The following CIITA variants were observed in gnomAD, a reference collection of about 807,000 sequenced individuals.
CIITA encodes the protein class II major histocompatibility complex transactivator, also known as MHC class II transactivator.
CIITA carries 72 observed loss-of-function variants against 115.1 expected under a neutral mutation model. That is an observed-to-expected ratio of 0.63 (90% CI 0.52 to 0.76). The LOEUF (loss-of-function observed/expected upper bound fraction) is 0.76, where lower values mean the gene tolerates loss of function less well. CIITA is among the 30% of genes least tolerant of loss of function. The pLI, the probability that CIITA is intolerant of heterozygous loss-of-function variation, is 0.00. For synonymous variants in CIITA, 763 were observed against 635.6 expected (o/e 1.20, Z -3.02); for missense variants, 1,617 against 1,463.8 (o/e 1.10, Z -1.71).
intron 1 of CIITA, among the ~76,000 whole-genome samples, chr16:10,886,786 G>C (rs753037729): frequency 6.6e-6 from 1 of 152,214 alleles, no homozygotes; most frequent in Non-Finnish European, 1.5e-5. Context: ...TCGATTCTGT[G>C]ACTCAGAGAG....
Position 10,907,451 on chromosome 16 carries a change from C to G in CIITA, c.1959C>G (p.Pro653=). The part of the protein sequence containing the change: ...GLLGRAALDS[P]PGALAELAKL... ...TGGGCCGTGCAGCCCTCGACAGCCC[C>G]CCCGGGGCCCTGGCAGAGCTGGCCA... The change falls in exon 11 of 20, where the codon CCC becomes CCG. Residue 653 remains proline, a synonymous_variant. Coordinates refer to ENST00000324288, the MANE Select transcript of CIITA (RefSeq NM_000246.4). The surrounding 1 kb of genome is among the most constrained non-coding windows in gnomAD (Gnocchi z 5.0). 6.2e-7 allele frequency: 1 copy of G among 1,613,316 alleles called. No individual in the cohort carries two copies.
rs915058289 is a variant in CIITA, at chr16:10,914,970, G to A, written c.2889-600G>A. 8 of 437,362 alleles carry A rather than the reference G, an allele frequency of 1.8e-5. No individual in the cohort carries two copies. The East Asian group carries it at 5.6e-4, about 31-fold the overall frequency. The allele number at this position is 437,362 out of a possible 1,614,324, so 27.1% of individuals were successfully genotyped here. On this transcript the variant is annotated intron_variant, in intron 13 of 19. Transcript: ENST00000324288. ...AGGGTATCTGTGGATGTTGGGAAGA[G>A]TAAGAACTGGCTCCCTACTTAGAGA...
rs1226634325 is a variant in CIITA at position 10,887,247 on chromosome 16, G to C, written c.53-8035G>C. On this transcript the variant is annotated intron_variant, in intron 1 of 19. Coordinates refer to ENST00000324288, the MANE Select transcript of CIITA (RefSeq NM_000246.4). The stretch of plus-strand genomic sequence containing the variant: ...GGTTGGGGAGCAGGTTGGTGTTGGG[G>C]GGGGCCTTGGGGGAAAGGAAAAGGA... Among the ~76,000 whole-genome samples the C allele has an allele frequency of 4.6e-5, 7 of 152,100 alleles. 1 individual carries two copies. The highest frequency in any genetic ancestry group is 2.6e-4 in the Admixed American group (4 of 15,268).
At chr16:10,887,359 G>T (rs894377487) in intron 1 of CIITA, among the ~76,000 whole-genome samples, 2 of 152,180 alleles carry the variant, frequency 1.3e-5, no homozygotes, top group African/African-American at 4.8e-5. Flanking sequence ...GGCTCAGAGG[G>T]CTAAGGTAAT....
chr16:10,909,302 C>T (rs958126838), intron 12 of CIITA, 115 bp downstream of exon 12: 15 of 1,091,736 alleles, frequency 1.4e-5, no homozygotes, highest in Non-Finnish European at 2.1e-5. Context: ...TGGGACACCC[C>T]ATGCCCTCTT....
Position 10,906,919 on chromosome 16 carries a change from C to A in CIITA, c.1427C>A (p.Pro476Gln), listed in dbSNP as rs780872734. 6.2e-7 allele frequency: 1 copy of A among 1,613,514 alleles called. No individual in the cohort carries two copies. ...QDLLFSLGPQPLVAADEVFSH... is the reference protein window; with the variant it reads ...QDLLFSLGPQQLVAADEVFSH... ...CTGCTCTTCTCCCTGGGCCCACAGC[C>A]ACTCGTGGCGGCCGATGAGGTTTTC... The change falls in exon 11 of 20, where the codon CCA (proline) becomes CAA (glutamine). Residue 476 changes from proline to glutamine, a missense_variant. Transcript: ENST00000324288.
At chr16:10,869,605 T>A (rs139861043) in intron 1 of CIITA, among the ~76,000 whole-genome samples, 8 of 151,630 alleles carry the variant, frequency 5.3e-5, no homozygotes, top group Middle Eastern at 3.4e-3. Flanking sequence ...GCAACTTCCA[T>A]CTCCCAGGTT....
At chr16:10,941,367 G>A (rs535197488), downstream of CIITA, 31 of 264,098 alleles carry the variant, frequency 1.2e-4, no homozygotes, top group East Asian at 3.1e-3. This position sits in a 1 kb window ranked among gnomAD's most constrained non-coding sequence, Gnocchi z 6.4. Flanking sequence ...CTTTTCACCA[G>A]CTGTCCCCTT....
intron 13 of CIITA, among the ~76,000 whole-genome samples, chr16:10,912,206 T>C (rs2039631294): frequency 6.6e-6 from 1 of 151,998 alleles, no homozygotes; most frequent in African/African-American, 2.4e-5. Context: ...TCTCCACCTC[T>C]CGGTTCAAGC....
chr16:10,875,930 A>T (rs2035804620), upstream of CIITA, among the ~76,000 whole-genome samples: 2 of 152,196 alleles, frequency 1.3e-5, no homozygotes, highest in African/African-American at 4.8e-5. Flanking sequence ...AGATAGCGCC[A>T]CTGCAGTCCA....
At chr16:10,885,181 C>T (rs892420854) in intron 1 of CIITA, among the ~76,000 whole-genome samples, 1 of 152,178 alleles carries the variant, frequency 6.6e-6, no homozygotes, top group Non-Finnish European at 1.5e-5. Context: ...ATAGGCCTAT[C>T]GACTGGATTC....
At chr16:10,893,947 G>A (rs1483496462) in intron 1 of CIITA, among the ~76,000 whole-genome samples, 1 of 150,322 alleles carries the variant, frequency 6.7e-6, no homozygotes, top group African/African-American at 2.5e-5. Context: ...AGACCCATCA[G>A]CAGTTGTTCC....
chr16:10,913,614 T>C (rs1348285829), intron 13 of CIITA: 1 of 147,696 alleles, frequency 6.8e-6, no homozygotes, highest in African/African-American at 2.5e-5. Flanking sequence ...ACACCCGGCC[T>C]CAGTGAGGTC....
At position 10,907,691 on chromosome 16, in the gene CIITA, C is replaced by T. The variant is rs1190753465; in HGVS notation, c.2199C>T (p.Leu733=). 3.7e-6 allele frequency: 6 copies of T among 1,614,090 alleles called. No homozygotes were observed. In the African/African-American group the frequency reaches 5.3e-5, roughly 14 times the overall value. The part of the protein sequence containing the change: ...ALSGEIKDKE[L]PQYLALTPRK... ...GTGGCGAAATCAAGGACAAGGAGCT[C>T]CCGCAGTACCTAGCATTGACCCCAA... Residue 733 remains leucine, a synonymous_variant, in exon 11 of 20, where the codon CTC becomes CTT. Transcript: ENST00000324288. The surrounding 1 kb of genome is among the most constrained non-coding windows in gnomAD (Gnocchi z 5.0).
Position 10,929,633 on chromosome 16 carries a change from C to A in CIITA, c.*5778C>A, listed in dbSNP as rs2040691058. ...CCACCAGGTTGGCTGGGGACAGGGA[C>A]CAATCCACCAGGCTCGGGAGGCTTG... is the stretch of plus-strand genomic sequence containing the variant. On this transcript the variant is annotated 3_prime_UTR_variant, in exon 20 of 20. Coordinates refer to ENST00000324288, the MANE Select transcript of CIITA (RefSeq NM_000246.4). The surrounding 1 kb of genome is among the most constrained non-coding windows in gnomAD (Gnocchi z 4.3). The A allele has an allele frequency of 3.3e-6, 3 of 917,620 alleles. No homozygotes were observed. Among genetic ancestry groups the A allele is most frequent in the Non-Finnish European group, 2.6e-6 (2 of 768,146 alleles). The allele number at this position is 917,620 out of a possible 1,614,324, so 56.8% of individuals were successfully genotyped here. A position where few individuals can be genotyped will look rare whatever the true frequency, so the allele number is the denominator to read the frequency against.
intron 5 of CIITA, among the ~76,000 whole-genome samples, chr16:10,900,723 G>A (rs1461435930): frequency 6.7e-6 from 1 of 149,904 alleles, no homozygotes; most frequent in African/African-American, 2.5e-5. Context: ...CTGGGCAACA[G>A]AGCTAGACTC....
At chr16:10,916,983 A>G in intron 15 of CIITA, 1 of 253,302 alleles carries the variant, frequency 3.9e-6, no homozygotes, top group Middle Eastern at 1.2e-3. Context: ...TGAACAAGTA[A>G]ACAAGTCGGT....
chr16:10,936,473 T>C (rs1031951140), downstream of CIITA: 2 of 152,226 alleles, frequency 1.3e-5, no homozygotes, highest in Non-Finnish European at 2.9e-5. Context: ...GGCATGCATA[T>C]ACAAACAGAG....
At chr16:10,919,659 G>A (rs2040168451) in intron 16 of CIITA, among the ~76,000 whole-genome samples, 1 of 152,016 alleles carries the variant, frequency 6.6e-6, no homozygotes, top group South Asian at 2.1e-4. Flanking sequence ...ATACCCTCCT[G>A]AGCCTTGTTA....
Sources: gnomAD v4.1 joint callset for allele counts (sites outside exome capture counted in the v4.1 genomes callset) on GRCh38, gnomAD v4.1.1 for gene constraint, Gnocchi (gnomAD v3.1) non-coding constraint, MANE v1.5 for transcripts, NCBI Gene and HGNC (gene_info 2026-07-23, HGNC 2026-07-21) for gene names.